GP9: variants seen among roughly 807,000 people sequenced by gnomAD.
GP9 encodes the protein glycoprotein IX platelet, also known as platelet glycoprotein IX.
For missense variants in GP9, 228 were observed against 241.8 expected (o/e 0.94, Z 0.38); for synonymous variants, 116 against 116.7 (o/e 0.99, Z 0.04).
At position 129,061,609 on chromosome 3, in the gene GP9, C is replaced by T. The variant is rs943769426; in HGVS notation, c.-23C>T. The T allele has an allele frequency of 5.2e-6, 4 of 774,876 alleles. No homozygotes were observed. Among genetic ancestry groups the T allele is most frequent in the East Asian group, 2.7e-5 (1 of 37,532 alleles). 48.0% of individuals were successfully genotyped at this position (774,876 alleles called of 1,614,324 possible). A position where few individuals can be genotyped will look rare whatever the true frequency, so the allele number is the denominator to read the frequency against. On this transcript the variant is annotated 5_prime_UTR_variant, in exon 2 of 3. Transcript: ENST00000307395. ...TTTCCCAGAGGAGAAGGCTGAGACC[C>T]GAGAAGGGAGGTGAGTGCACCCCGT...
upstream of GP9, among the ~76,000 whole-genome samples, chr3:129,057,589 C>T (rs767806030): frequency 2.6e-5 from 4 of 151,950 alleles, no homozygotes; most frequent in African/African-American, 4.8e-5. Flanking sequence ...CTTTTATTTG[C>T]GATGGGAAGC....
Position 129,061,957 on chromosome 3 carries a change from A to G in GP9, c.218A>G (p.His73Arg). ...TCCGTGCCCCCGGGAGCCTTTGACC[A>G]CCTGCCCCAGCTGCAGACCCTCGAT... ...LQSVPPGAFD[H>R]LPQLQTLDVT... The change falls in exon 3 of 3, where the codon CAC becomes CGC. Residue 73 changes from histidine to arginine, a missense_variant. Physicochemically the swap from His to Arg is conservative, Grantham distance 29 (BLOSUM62 0). Transcript: ENST00000307395. 1 of 1,613,716 alleles carries G rather than the reference A, an allele frequency of 6.2e-7. No homozygotes were observed. The highest frequency in any genetic ancestry group is 1.1e-5 in the South Asian group (1 of 91,080).
At position 129,062,094 on chromosome 3, in the gene GP9, G is replaced by C. The variant is rs368116821; in HGVS notation, c.355G>C (p.Ala119Pro). Reference protein sequence around the residue: ...LQVRCASPSLAAHGPLGRLTG... With the variant: ...LQVRCASPSLPAHGPLGRLTG... Reference sequence around the variant, plus strand: ...GGTCCGCTGTGCCAGCCCCAGCCTCGCTGCCCATGGCCCGCTGGGCCGGCT... The same window carrying C: ...GGTCCGCTGTGCCAGCCCCAGCCTCCCTGCCCATGGCCCGCTGGGCCGGCT... The change falls in exon 3 of 3, where the codon GCT (alanine) becomes CCT (proline). Residue 119 changes from alanine to proline, a missense_variant. Coordinates refer to ENST00000307395, the MANE Select transcript of GP9 (RefSeq NM_000174.5). The C allele has an allele frequency of 2.5e-6, 4 of 1,606,012 alleles. No homozygotes were observed. The highest frequency in any genetic ancestry group is 3.4e-6 in the Non-Finnish European group (4 of 1,177,230).
In GP9 at chr3:129,062,201, G is replaced by T. The variant is rs778098589; in HGVS notation, c.462G>T (p.Leu154=). The change falls in exon 3 of 3, where the codon CTG becomes CTT. Residue 154 remains leucine, a synonymous_variant. Coordinates refer to ENST00000307395, the MANE Select transcript of GP9 (RefSeq NM_000174.5). Reference sequence around the variant, plus strand: ...CGGGGGTCTTGTGGGACGTGGCGCTGGTCGCCGTGGCCGCGCTGGGCCTGG... The same window carrying T: ...CGGGGGTCTTGTGGGACGTGGCGCTTGTCGCCGTGGCCGCGCTGGGCCTGG... ...VRPGVLWDVA[L]VAVAALGLAL... is the part of the protein sequence containing the mutation. 5.1e-6 allele frequency: 8 copies of T among 1,568,318 alleles called. No homozygotes were observed. The highest frequency in any genetic ancestry group is 2.3e-5 in the East Asian group (1 of 42,884).
At chr3:129,058,458 T>C (rs1377291690), upstream of GP9, among the ~76,000 whole-genome samples, 1 of 152,188 alleles carries the variant, frequency 6.6e-6, no homozygotes, top group African/African-American at 2.4e-5. Flanking sequence ...GGCAGCAGGA[T>C]CTGGTTGAAA....
At chr3:129,061,421 C>T in intron 1 of GP9, 73 bp from the exon 2 acceptor site, 1 of 481,290 alleles carries the variant, frequency 2.1e-6, no homozygotes, top group South Asian at 2.1e-5. Context: ...CATCCCCAAG[C>T]AGGGGATGGG....
chr3:129,061,951 T>A lies in GP9; in HGVS notation c.212T>A (p.Phe71Tyr). The stretch of plus-strand genomic sequence containing the variant: ...CTTCAGTCCGTGCCCCCGGGAGCCT[T>A]TGACCACCTGCCCCAGCTGCAGACC... ...NSLQSVPPGA[F>Y]DHLPQLQTLD... The change falls in exon 3 of 3, where the codon TTT (phenylalanine) becomes TAT (tyrosine). Residue 71 changes from phenylalanine (F) to tyrosine (Y), a missense_variant. Transcript: ENST00000307395. 1 of 1,613,888 alleles carries A rather than the reference T, an allele frequency of 6.2e-7. No individual in the cohort carries two copies. The highest frequency in any genetic ancestry group is 8.5e-7 in the Non-Finnish European group (1 of 1,179,890).
In GP9 at chr3:129,062,299, C is replaced by T; in HGVS notation, c.*26C>T. On this transcript the variant is annotated 3_prime_UTR_variant, in exon 3 of 3. Coordinates refer to ENST00000307395, the MANE Select transcript of GP9 (RefSeq NM_000174.5). ...GCCAGGCCCCCAGAACCCCTGGCTC[C>T]AGGCCAGGGGGCCAGTCCCTGAGGC... The T allele has an allele frequency of 6.7e-7, 1 of 1,493,688 alleles. No individual in the cohort carries two copies. Among genetic ancestry groups the T allele is most frequent in the South Asian group, 1.2e-5 (1 of 82,348 alleles). The allele number at this position is 1,493,688 out of a possible 1,614,324, so 92.5% of individuals were successfully genotyped here.
At chr3:129,058,994 C>T (rs1463527053), upstream of GP9, among the ~76,000 whole-genome samples, 1 of 152,206 alleles carries the variant, frequency 6.6e-6, no homozygotes, top group African/African-American at 2.4e-5. Context: ...CACTTGCAGG[C>T]TCACCCAGGC....
Position 129,062,336 on chromosome 3 carries a change from C to T in GP9, c.*63C>T. Reference sequence around the variant, plus strand: ...CCAGTCCCTGAGGCAGGTCCCCAGACTCCACCAAGCCTGGTCAGCCCAAAC... The same window carrying T: ...CCAGTCCCTGAGGCAGGTCCCCAGATTCCACCAAGCCTGGTCAGCCCAAAC... On this transcript the variant is annotated 3_prime_UTR_variant, in exon 3 of 3. Coordinates refer to ENST00000307395, the MANE Select transcript of GP9 (RefSeq NM_000174.5). 1 of 1,204,012 alleles carries T rather than the reference C, an allele frequency of 8.3e-7. No homozygotes were observed. Among genetic ancestry groups the T allele is most frequent in the South Asian group, 1.4e-5 (1 of 71,776 alleles). 74.6% of individuals were successfully genotyped at this position (1,204,012 alleles called of 1,614,324 possible).
upstream of GP9, among the ~76,000 whole-genome samples, chr3:129,060,611 C>T (rs1175029952): frequency 6.6e-6 from 1 of 152,258 alleles, no homozygotes; most frequent in Non-Finnish European, 1.5e-5. Flanking sequence ...ACAGTGGGAC[C>T]CCCTTCTATA....
chr3:129,056,452 A>G (rs1349687282), upstream of GP9, among the ~76,000 whole-genome samples: 2 of 152,240 alleles, frequency 1.3e-5, no homozygotes, highest in African/African-American at 4.8e-5. Flanking sequence ...AGTTTACCTA[A>G]GCAGTTTGCC....
At position 129,062,080 on chromosome 3, in the gene GP9, C is replaced by T. The variant is rs896687623; in HGVS notation, c.341C>T (p.Ala114Val). 2 of 1,609,098 alleles carry T rather than the reference C, an allele frequency of 1.2e-6. No individual in the cohort carries two copies. The highest frequency in any genetic ancestry group is 8.5e-7 in the Non-Finnish European group (1 of 1,178,356). The part of the protein sequence containing the change: ...TPEALLQVRC[A>V]SPSLAAHGPL... The stretch of plus-strand genomic sequence containing the variant: ...GAGGCCCTGCTGCAGGTCCGCTGTG[C>T]CAGCCCCAGCCTCGCTGCCCATGGC... The change falls in exon 3 of 3, where the codon GCC becomes GTC. Residue 114 changes from alanine (A) to valine (V), a missense_variant. Physicochemically the swap from Ala to Val is moderately conservative, Grantham distance 64. Transcript: ENST00000307395.
At position 129,061,980 on chromosome 3, in the gene GP9, G is replaced by A. The variant is rs137994346; in HGVS notation, c.241G>A (p.Asp81Asn). ...CCACCTGCCCCAGCTGCAGACCCTC[G>A]ATGTGACGCAGAACCCCTGGCACTG... Reference protein sequence around the residue: ...FDHLPQLQTLDVTQNPWHCDC... With the variant: ...FDHLPQLQTLNVTQNPWHCDC... Residue 81 changes from aspartate (D) to asparagine (N), a missense_variant, in exon 3 of 3, where the codon GAT becomes AAT. Coordinates refer to ENST00000307395, the MANE Select transcript of GP9 (RefSeq NM_000174.5). The A allele has an allele frequency of 6.2e-5, 100 of 1,613,848 alleles. No homozygotes were observed. The African/African-American group carries it at 8.0e-4, about 13-fold the overall frequency.
chr3:129,062,190 G>A lies in GP9; in HGVS notation c.451G>A (p.Asp151Asn), dbSNP rs1391395484. The A allele has an allele frequency of 1.3e-6, 2 of 1,572,304 alleles. No individual in the cohort carries two copies. Among genetic ancestry groups the A allele is most frequent in the African/African-American group, 1.3e-5 (1 of 74,248 alleles). ...CTGGGTGCGCCCGGGGGTCTTGTGG[G>A]ACGTGGCGCTGGTCGCCGTGGCCGC... is the stretch of plus-strand genomic sequence containing the variant. ...ASWVRPGVLW[D>N]VALVAVAALG... Residue 151 changes from aspartate (D) to asparagine (N), a missense_variant, in exon 3 of 3, where the codon GAC becomes AAC. By Grantham distance (23) the Asp-to-Asn change is conservative (BLOSUM62 1). Coordinates refer to ENST00000307395, the MANE Select transcript of GP9 (RefSeq NM_000174.5).
At chr3:129,061,139 T>A (rs910149343) in intron 1 of GP9, among the ~76,000 whole-genome samples, 10 of 152,184 alleles carry the variant, frequency 6.6e-5, no homozygotes, top group Non-Finnish European at 1.5e-4. Flanking sequence ...CCGGTGGCCC[T>A]GGGCACATTG....
At chr3:129,057,672 A>G (rs1425152574), upstream of GP9, among the ~76,000 whole-genome samples, 2 of 152,126 alleles carry the variant, frequency 1.3e-5, no homozygotes, top group Non-Finnish European at 2.9e-5. Flanking sequence ...GATCCTGGTG[A>G]CTGAAATGAC....
Position 129,062,261 on chromosome 3 carries a change from G to A in GP9, c.522G>A (p.Glu174=), listed in dbSNP as rs1206099985. ...LLAGLLCATT[E]ALD The stretch of plus-strand genomic sequence containing the variant: ...CTGGCCTGCTGTGTGCCACCACAGA[G>A]GCCCTGGATTGAGCCAGGCCCCCAG... The change falls in exon 3 of 3, where the codon GAG becomes GAA. Residue 174 remains glutamate, a synonymous_variant. Coordinates refer to ENST00000307395, the MANE Select transcript of GP9 (RefSeq NM_000174.5). 3 of 1,551,286 alleles carry A rather than the reference G, an allele frequency of 1.9e-6. No individual in the cohort carries two copies. The highest frequency in any genetic ancestry group is 1.7e-6 in the Non-Finnish European group (2 of 1,148,876).
chr3:129,055,159 CTCCTG>C, the GP9 span, among the ~76,000 whole-genome samples: 31 of 152,194 alleles, frequency 2.0e-4, no homozygotes, highest in Non-Finnish European at 3.8e-4. Flanking sequence ...GGCTTCTGAC[CTCCTG>C]TCCTGTCGTG....
Sources: allele counts gnomAD v4.1 joint callset (sites outside exome capture counted in the v4.1 genomes callset), GRCh38; gene constraint gnomAD v4.1.1; transcripts MANE v1.5; gene names NCBI Gene and HGNC (gene_info 2026-07-23, HGNC 2026-07-21).